The following RNF38 variants were observed in gnomAD, a reference collection of about 807,000 sequenced individuals.
RNF38 encodes E3 ubiquitin-protein ligase RNF38.
RNF38 carries 15 observed loss-of-function variants against 67.2 expected under a neutral mutation model. The ratio of observed to expected loss-of-function variants is 0.22; its 90% CI spans 0.15 to 0.34. The LOEUF is 0.34. Ranked by LOEUF, RNF38 falls within the 10% of genes least tolerant of loss-of-function variation. The pLI is 1.00. For synonymous variants in RNF38, 220 were observed against 218.8 expected (o/e 1.01, Z -0.05); for missense variants, 524 against 639.9 (o/e 0.82, Z 1.95).
chr9:36,393,475 CATTGT>C (rs56065119), intron 1 of RNF38, among the ~76,000 whole-genome samples: 17 of 112,544 alleles, frequency 1.5e-4, no homozygotes, highest in African/African-American at 2.7e-4. Flanking sequence ...CACACACACA[CATTGT>C]GTGTGTGTGT....
intron 1 of RNF38, among the ~76,000 whole-genome samples, chr9:36,391,509 T>C (rs1474332187): frequency 6.6e-6 from 1 of 152,112 alleles, no homozygotes; most frequent in Non-Finnish European, 1.5e-5. Flanking sequence ...TTTAACATGG[T>C]CTTCTTTTTA....
chr9:36,376,096 C>T lies in RNF38; in HGVS notation c.194G>A (p.Arg65His), dbSNP rs1448211495. 3.1e-6 allele frequency: 5 copies of T among 1,604,274 alleles called. No homozygotes were observed. Among genetic ancestry groups the T allele is most frequent in the East Asian group, 2.2e-5 (1 of 44,478 alleles). ...SEDSPSPKRQRLSHSVFDYTS... is the reference protein window; with the variant it reads ...SEDSPSPKRQHLSHSVFDYTS... ...ATAATCAAAGACTGAATGAGAGAGG[C>T]GCTGTCTCTTAGGACTTGGACTATC... Residue 65 changes from arginine to histidine, a missense_variant, in exon 3 of 12, where the codon CGC becomes CAC. Arg to His is a conservative substitution (Grantham distance 29). Transcript: ENST00000259605.
chr9:36,344,396 T>A (rs1165558575), intron 10 of RNF38, among the ~76,000 whole-genome samples: 1 of 152,214 alleles, frequency 6.6e-6, no homozygotes, highest in Non-Finnish European at 1.5e-5. Context: ...GATCCCATAT[T>A]AAGCAGAAAT....
At position 36,352,734 on chromosome 9, in the gene RNF38, G is replaced by A. The variant is rs1201571569; in HGVS notation, c.1178+8C>T. On this transcript the variant is annotated splice_region_variant and intron_variant, in intron 8 of 11. Transcript: ENST00000259605. ...ATTCAGAAATCATTAAGATAAGAAA[G>A]AACTTACAACACATATGGCAGTAAG... 2 of 1,583,654 alleles carry A rather than the reference G, an allele frequency of 1.3e-6. No individual in the cohort carries two copies.
intron 1 of RNF38, among the ~76,000 whole-genome samples, chr9:36,448,339 T>G (rs1291895753): frequency 6.6e-6 from 1 of 152,254 alleles, no homozygotes; most frequent in Admixed American, 6.5e-5. Flanking sequence ...GCTGACTTAA[T>G]CTTCTGGTTA....
chr9:36,456,423 TG>T (rs1371994305), intron 1 of RNF38, among the ~76,000 whole-genome samples: 1 of 152,268 alleles, frequency 6.6e-6, no homozygotes, highest in Non-Finnish European at 1.5e-5. Flanking sequence ...CATTTCTGTG[TG>T]TTATAAGTCA....
Position 36,368,886 on chromosome 9 carries a change from C to CTT in RNF38, c.570+831_570+832dup, listed in dbSNP as rs397735166. On this transcript the variant is annotated intron_variant, in intron 4 of 11. Coordinates refer to ENST00000259605, the MANE Select transcript of RNF38 (RefSeq NM_022781.5). Reference sequence around the variant, plus strand: ...TATAAGGACATGCTTAGACACATGTCTTTTTTTTTTTGACCTCAGAAACTC... The same window carrying CTT: ...TATAAGGACATGCTTAGACACATGTCTTTTTTTTTTTTTGACCTCAGAAACTC... 2.2e-4 allele frequency among the ~76,000 whole-genome samples: 32 copies of CTT among 146,110 alleles called. No individual in the cohort carries two copies. The East Asian group carries it at 5.5e-3, about 25-fold the overall frequency.
At chr9:36,401,316 C>T, upstream of RNF38, 2 of 724,170 alleles carry the variant, frequency 2.8e-6, no homozygotes, top group Non-Finnish European at 3.4e-6. Flanking sequence ...CCGCCCCCCG[C>T]TGCCCTGCGG....
intron 1 of RNF38, among the ~76,000 whole-genome samples, chr9:36,436,603 C>T (rs1445775509): frequency 6.6e-6 from 1 of 152,064 alleles, no homozygotes; most frequent in Non-Finnish European, 1.5e-5. Context: ...GCAGGCGGAT[C>T]ATGAGGTCAG....
intron 2 of RNF38, among the ~76,000 whole-genome samples, chr9:36,382,947 C>A (rs1214618787): frequency 2.0e-5 from 3 of 152,170 alleles, no homozygotes; most frequent in Non-Finnish European, 4.4e-5. Flanking sequence ...CAAACTCTCA[C>A]TAAATTTTAT....
At chr9:36,401,126 G>A (rs868461941), upstream of RNF38, 10 of 985,002 alleles carry the variant, frequency 1.0e-5, no homozygotes, top group Middle Eastern at 5.2e-4. Context: ...CAGACCACCG[G>A]AGCGCTCCTC....
chr9:36,394,385 G>A (rs1024746109), intron 1 of RNF38, among the ~76,000 whole-genome samples: 5 of 152,152 alleles, frequency 3.3e-5, no homozygotes, highest in African/African-American at 7.2e-5. Context: ...GGAAATATTT[G>A]TGTTTTAAAC....
chr9:36,455,012 C>A (rs935985467), intron 1 of RNF38, among the ~76,000 whole-genome samples: 1 of 152,108 alleles, frequency 6.6e-6, no homozygotes, highest in Non-Finnish European at 1.5e-5. Flanking sequence ...ATTCAACTCC[C>A]ATGCGTATAA....
chr9:36,353,240 G>A lies in RNF38; in HGVS notation c.1001C>T (p.Thr334Ile). ...CTGCAAGGGAGCTGATGGAGGTAAT[G>A]TTGGGGGGTGGGCTGATGGAGGGTA... ...FTYPPSAHPP[T>I]LPPSAPLQFL... Residue 334 changes from threonine to isoleucine, a missense_variant, in exon 7 of 12, where the codon ACA becomes ATA. This residue lies in a region of RNF38 where 461 missense variants were observed against 517.4 expected (regional missense o/e 0.89). Transcript: ENST00000259605. The A allele has an allele frequency of 6.2e-7, 1 of 1,613,078 alleles. No individual in the cohort carries two copies. The highest frequency in any genetic ancestry group is 8.5e-7 in the Non-Finnish European group (1 of 1,179,114).
At chr9:36,401,965 T>G (rs1587622300), upstream of RNF38, among the ~76,000 whole-genome samples, 2 of 152,188 alleles carry the variant, frequency 1.3e-5, no homozygotes, top group Admixed American at 1.3e-4. Context: ...TCAGAGTAAA[T>G]GTTGTTTCAG....
At chr9:36,439,640 A>T (rs1267646000) in intron 1 of RNF38, among the ~76,000 whole-genome samples, 2 of 151,932 alleles carry the variant, frequency 1.3e-5, no homozygotes, top group Non-Finnish European at 2.9e-5. Context: ...CCCCGTCTCT[A>T]CTAAAAACAC....
Position 36,376,065 on chromosome 9 carries a change from T to C in RNF38, c.225A>G (p.Ser75=), listed in dbSNP as rs1271680704. The change falls in exon 3 of 12, where the codon TCA becomes TCG. Residue 75 remains serine (S), a synonymous_variant. Transcript: ENST00000259605. ...TTGGTGGTGAGGGAGCTGGTGATGC[T>C]GATGTATAATCAAAGACTGAATGAG... ...RLSHSVFDYT[S]ASPAPSPPMR... 5.0e-6 allele frequency: 8 copies of C among 1,613,286 alleles called. No homozygotes were observed. Among genetic ancestry groups the C allele is most frequent in the Admixed American group, 1.7e-5 (1 of 59,778 alleles).
intron 1 of RNF38, among the ~76,000 whole-genome samples, chr9:36,397,844 A>T (rs909560221): frequency 1.3e-5 from 2 of 152,188 alleles, no homozygotes; most frequent in African/African-American, 2.4e-5. Context: ...CCCCTCAAAG[A>T]AGTATGTCTA....
In RNF38 at chr9:36,400,233, A is replaced by T; in HGVS notation, c.-125T>A. 3 of 1,442,524 alleles carry T rather than the reference A, an allele frequency of 2.1e-6. No homozygotes were observed. Among genetic ancestry groups the T allele is most frequent in the Non-Finnish European group, 2.7e-6 (3 of 1,095,562 alleles). The allele number at this position is 1,442,524 out of a possible 1,614,324, so 89.4% of individuals were successfully genotyped here. ...AGAACTTGCATCCCCTGAGAACAAA[A>T]CGCAGCCTATCCAGAAACCCACGGA... On this transcript the variant is annotated 5_prime_UTR_variant, in exon 1 of 12. Coordinates refer to ENST00000259605, the MANE Select transcript of RNF38 (RefSeq NM_022781.5).
Sources: allele counts gnomAD v4.1 joint callset (sites outside exome capture counted in the v4.1 genomes callset), GRCh38; gene constraint gnomAD v4.1.1; regional missense constraint gnomAD v4.1.1; transcripts MANE v1.5; gene names NCBI Gene and HGNC (gene_info 2026-07-23, HGNC 2026-07-21).